GSE1: variants seen among roughly 807,000 people sequenced by gnomAD.
GSE1 encodes the protein Gse1 coiled-coil protein, also known as genetic suppressor element 1.
In GSE1, 32 loss-of-function variants were observed where a neutral mutation model predicts 112.6. The ratio of observed to expected loss-of-function variants is 0.28; its 90% CI spans 0.21 to 0.38. GSE1 has a LOEUF of 0.38. Among genes scored for constraint, GSE1 ranks in the 10% least tolerant of loss-of-function variants. GSE1 has a pLI of 1.00. For missense variants in GSE1, 2,348 were observed against 1,699.2 expected (o/e 1.38, Z -6.71); for synonymous variants, 1,115 against 735.6 (o/e 1.52, Z -8.35).
chr16:85,316,431 G>A lies in GSE1; in HGVS notation c.2284-41032G>A, dbSNP rs540764138. Among the ~76,000 whole-genome samples, 17 of 152,326 alleles carry A rather than the reference G, an allele frequency of 1.1e-4. No individual in the cohort carries two copies. The South Asian group carries it at 2.5e-3, about 22-fold the overall frequency. The stretch of plus-strand genomic sequence containing the variant: ...CTAGCCACGTGTGGCCCAGGTGGCC[G>A]TAAGGGACCAGCCCATCTTGCACCC... On this transcript the variant is annotated intron_variant, in intron 1 of 2. Transcript: ENST00000637419.
chr16:85,205,135 TTTTTATTTTTTTGAG>T (rs2143593586), intron 1 of GSE1, among the ~76,000 whole-genome samples: 1 of 152,040 alleles, frequency 6.6e-6, no homozygotes, highest in South Asian at 2.1e-4. Context: ...ATTTATTTAT[TTTTTATTTTTTTGAG>T]ACAGAGTCTC....
chr16:85,182,942 A>C (rs1353246208), intron 1 of GSE1, among the ~76,000 whole-genome samples: 2 of 152,080 alleles, frequency 1.3e-5, no homozygotes, highest in Non-Finnish European at 2.9e-5. Context: ...CCACGCTCGC[A>C]CACTTGTATG....
chr16:85,617,214 G>A (rs553024505), intron 1 of GSE1, among the ~76,000 whole-genome samples: 9 of 152,296 alleles, frequency 5.9e-5, no homozygotes, highest in South Asian at 2.1e-4. Flanking sequence ...TGCCCACCCC[G>A]TGTCTGGAAT....
chr16:85,554,971 G>T, upstream of GSE1: 1 of 985,402 alleles, frequency 1.0e-6, no homozygotes, highest in Non-Finnish European at 1.2e-6. Flanking sequence ...CCGGCTTCCT[G>T]CGCCCCGCTC....
chr16:85,493,098 A>G (rs1045133969), intron 2 of GSE1, among the ~76,000 whole-genome samples: 45 of 152,132 alleles, frequency 3.0e-4, no homozygotes, highest in Non-Finnish European at 5.9e-4. Flanking sequence ...GGCCTGGAGG[A>G]AGGGAGCTGG....
At chr16:85,423,263 C>G (rs926612762) in intron 2 of GSE1, among the ~76,000 whole-genome samples, 22 of 152,356 alleles carry the variant, frequency 1.4e-4, no homozygotes, top group Middle Eastern at 6.8e-3. Context: ...CCTGCATGGA[C>G]GTCCTCCCTG....
chr16:85,420,473 G>A (rs7404682), intron 2 of GSE1, among the ~76,000 whole-genome samples: 65,749 of 151,980 alleles, frequency 0.43, 15,882 homozygotes, highest in East Asian at 0.79. Flanking sequence ...ATGTCTCCTC[G>A]GAGGAAGTCC....
intron 1 of GSE1, among the ~76,000 whole-genome samples, chr16:85,353,814 G>A (rs2046897954): frequency 6.6e-6 from 1 of 152,232 alleles, no homozygotes; most frequent in African/African-American, 2.4e-5. Flanking sequence ...TCCACTCAAT[G>A]CCCTTGCAGA....
intron 2 of GSE1, among the ~76,000 whole-genome samples, chr16:85,380,283 G>A (rs1016950275): frequency 5.9e-5 from 9 of 152,144 alleles, no homozygotes; most frequent in African/African-American, 1.7e-4. Context: ...ATTCCAGGAC[G>A]CAAAGGAGAG....
intron 1 of GSE1, among the ~76,000 whole-genome samples, chr16:85,240,435 C>T (rs1048692685): frequency 5.3e-5 from 8 of 152,216 alleles, no homozygotes; most frequent in South Asian, 4.1e-4. Context: ...CCGGCACTTC[C>T]GACCCCTGCA....
chr16:85,563,888 C>T (rs563391841), intron 1 of GSE1, among the ~76,000 whole-genome samples: 1 of 152,272 alleles, frequency 6.6e-6, no homozygotes, highest in South Asian at 2.1e-4. Flanking sequence ...GCCACTGTGG[C>T]GAGCTAGGAT....
intron 2 of GSE1, among the ~76,000 whole-genome samples, chr16:85,640,257 A>G (rs2050332872): frequency 6.6e-6 from 1 of 150,608 alleles, no homozygotes; most frequent in Admixed American, 6.6e-5. Flanking sequence ...TCGCTCCCTT[A>G]ACACCGGCCG....
rs370288170 is a variant in GSE1 at position 85,337,406 on chromosome 16, C to T, written c.2284-20057C>T. ...CTGCAAGCTCCGCCTCCCGGGTTCA[C>T]GCCATTCTCCTGCCTCAGCCTCCTG... On this transcript the variant is annotated intron_variant, in intron 1 of 2. Coordinates refer to the GSE1 transcript ENST00000637419. 4.4e-3 allele frequency among the ~76,000 whole-genome samples: 667 copies of T among 150,536 alleles called. 6 individuals carry two copies. The highest frequency in any genetic ancestry group is 0.015 in the African/African-American group (629 of 40,932).
In GSE1 at chr16:85,531,965, G is replaced by A. The variant is rs547395024; in HGVS notation, c.2465-101949G>A. Among the ~76,000 whole-genome samples, 17 of 152,282 alleles carry A rather than the reference G, an allele frequency of 1.1e-4. No individual in the cohort carries two copies. The East Asian group carries it at 1.2e-3, about 10-fold the overall frequency. ...CCCAGGGAGCTGATGGAGAAGGGGC[G>A]CGAGTAGGGGGGCAGGCAGAGGCAG... On this transcript the variant is annotated intron_variant, in intron 2 of 2. Coordinates refer to the GSE1 transcript ENST00000637419.
At chr16:85,180,149 G>T (rs113740086) in intron 1 of GSE1, among the ~76,000 whole-genome samples, 2 of 152,234 alleles carry the variant, frequency 1.3e-5, no homozygotes, top group African/African-American at 2.4e-5. Context: ...TGCCTGGCCT[G>T]TCTGGCGTGG....
In GSE1 at chr16:85,656,343, G is replaced by A. The variant is rs2051931145; in HGVS notation, c.990G>A (p.Arg330=). The A allele has an allele frequency of 2.5e-6, 4 of 1,611,572 alleles. No individual in the cohort carries two copies. Among genetic ancestry groups the A allele is most frequent in the African/African-American group, 2.7e-5 (2 of 74,990 alleles). The change falls in exon 7 of 16, where the codon AGG becomes AGA. Residue 330 remains arginine (R), a splice_region_variant and synonymous_variant. Coordinates refer to ENST00000253458, the MANE Select transcript of GSE1 (RefSeq NM_014615.5). ...SERMSGLSAE[R]LQMDEELRRE... is the part of the protein sequence containing the mutation. ...CCCCAACTCTTTCCATGTGCTGCAG[G>A]CTGCAGATGGACGAGGAGCTAAGGC... is the stretch of plus-strand genomic sequence containing the variant.
chr16:85,481,023 C>A (rs981534681), intron 2 of GSE1, among the ~76,000 whole-genome samples: 1 of 152,206 alleles, frequency 6.6e-6, no homozygotes, highest in African/African-American at 2.4e-5. Context: ...TTTTAATCTG[C>A]CCTTGCTCCC....
upstream of GSE1, among the ~76,000 whole-genome samples, chr16:85,610,028 C>G (rs2047896241): frequency 6.6e-6 from 1 of 152,130 alleles, no homozygotes; most frequent in African/African-American, 2.4e-5. Context: ...GGAGGTAGGG[C>G]TAGAGTTTGC....
At chr16:85,193,546 G>A (rs112437098) in intron 1 of GSE1, among the ~76,000 whole-genome samples, 2,948 of 151,986 alleles carry the variant, frequency 0.019, 105 homozygotes, top group African/African-American at 0.067. Context: ...TGCAACCTCC[G>A]CCTCCCGGGT....
Sources: allele counts gnomAD v4.1 joint callset (sites outside exome capture counted in the v4.1 genomes callset), GRCh38; gene constraint gnomAD v4.1.1; transcripts MANE v1.5; gene names NCBI Gene and HGNC (gene_info 2026-07-23, HGNC 2026-07-21).